C13orf46: variants seen among roughly 807,000 people sequenced by gnomAD.
C13orf46 encodes the protein chromosome 13 open reading frame 46.
intron 5 of C13orf46, among the ~76,000 whole-genome samples, chr13:113,965,427 T>G (rs993122100): frequency 2.0e-4 from 31 of 152,212 alleles, no homozygotes; most frequent in South Asian, 4.1e-4. Context: ...TGATGACTGT[T>G]CACTACAGCA....
At chr13:113,930,694 TC>T in the C13orf46 span, among the ~76,000 whole-genome samples, 5 of 152,268 alleles carry the variant, frequency 3.3e-5, no homozygotes, top group Non-Finnish European at 7.4e-5. Context: ...CTCCCATTCA[TC>T]CCCTGGCCAC....
At chr13:113,947,934 G>T in the C13orf46 span, among the ~76,000 whole-genome samples, 5 of 152,214 alleles carry the variant, frequency 3.3e-5, no homozygotes, top group Admixed American at 6.5e-5. Flanking sequence ...CCATGATTCT[G>T]GCCTGCCGAG....
chr13:113,958,067 T>C, intron 6 of C13orf46, among the ~76,000 whole-genome samples: 3 of 123,380 alleles, frequency 2.4e-5, no homozygotes, highest in South Asian at 2.7e-4. Context: ...CGGGGGGGTC[T>C]CCCCTGCACT....
chr13:113,968,023 C>T (rs889390107), intron 4 of C13orf46, among the ~76,000 whole-genome samples: 10 of 152,138 alleles, frequency 6.6e-5, no homozygotes, highest in Non-Finnish European at 1.2e-4. Context: ...AAGCAAGGCC[C>T]GCCTGGCAAG....
At chr13:113,952,628 G>A (rs1037240568), downstream of C13orf46, among the ~76,000 whole-genome samples, 1 of 152,220 alleles carries the variant, frequency 6.6e-6, no homozygotes, top group East Asian at 1.9e-4. Flanking sequence ...ACCACTGGCC[G>A]GCCCTAGAAA....
At chr13:113,932,271 C>T in the C13orf46 span, among the ~76,000 whole-genome samples, 3,664 of 152,326 alleles carry the variant, frequency 0.024, 112 homozygotes, top group African/African-American at 0.07. Flanking sequence ...GTCTGGGTCA[C>T]ATGGTGACTC....
chr13:113,963,286 CCT>C lies in C13orf46; in HGVS notation c.572+1639_572+1640del, dbSNP rs1289245559. ...CTCGGCCCTGTCCTCAGCCTCGGCC[CCT>C]GTCCTCAGCTTCACCCCTGTCCTCA... On this transcript the variant is annotated intron_variant, in intron 6 of 6. Transcript: ENST00000636427. Among the ~76,000 whole-genome samples, 32 of 124,366 alleles carry C rather than the reference CCT, an allele frequency of 2.6e-4. 3 individuals are homozygous for C. The East Asian group carries it at 7.2e-3, about 28-fold the overall frequency. The allele number at this position is 124,366 out of a possible 152,430, so 81.6% of individuals were successfully genotyped here.
intron 1 of C13orf46, among the ~76,000 whole-genome samples, chr13:113,972,141 G>A (rs575881668): frequency 3.3e-5 from 5 of 152,268 alleles, no homozygotes; most frequent in African/African-American, 7.2e-5. Context: ...ATCCGACCCC[G>A]GCCTCTAAGT....
chr13:113,946,789 C>T, the C13orf46 span, among the ~76,000 whole-genome samples: 4 of 152,258 alleles, frequency 2.6e-5, no homozygotes, highest in Non-Finnish European at 4.4e-5. Flanking sequence ...TCTGACTGCT[C>T]GCTGGCCGAG....
At chr13:113,946,065 G>A in the C13orf46 span, among the ~76,000 whole-genome samples, 7 of 152,344 alleles carry the variant, frequency 4.6e-5, no homozygotes, top group East Asian at 1.9e-4. Context: ...TGAATGCCGC[G>A]TTTAAAACGC....
At chr13:113,937,480 A>G in the C13orf46 span, among the ~76,000 whole-genome samples, 1 of 152,180 alleles carries the variant, frequency 6.6e-6, no homozygotes, top group Non-Finnish European at 1.5e-5. Context: ...TCTCATACAC[A>G]GCTGCAGGTG....
At chr13:113,958,050 A>G (rs1373561779) in intron 6 of C13orf46, among the ~76,000 whole-genome samples, 4 of 122,406 alleles carry the variant, frequency 3.3e-5, no homozygotes, top group Non-Finnish European at 5.2e-5. Context: ...CCTTTCATCA[A>G]GTGCACCGGG....
At chr13:113,966,560 CGAT>C (rs1262684042) in intron 5 of C13orf46, among the ~76,000 whole-genome samples, 17 of 128,618 alleles carry the variant, frequency 1.3e-4, no homozygotes, top group Non-Finnish European at 2.3e-4. Context: ...GTAATAGTGA[CGAT>C]GATGGTGATA....
At chr13:113,973,098 C>T (rs2052726387) in intron 1 of C13orf46, among the ~76,000 whole-genome samples, 1 of 152,214 alleles carries the variant, frequency 6.6e-6, no homozygotes, top group African/African-American at 2.4e-5. Context: ...AATCACTGAG[C>T]TAAGGGGAGG....
chr13:113,961,278 A>T (rs886660008), intron 6 of C13orf46, among the ~76,000 whole-genome samples: 1 of 152,020 alleles, frequency 6.6e-6, no homozygotes, highest in African/African-American at 2.4e-5. Flanking sequence ...AAATGTTCTA[A>T]AAATTACATA....
At chr13:113,932,160 G>A in the C13orf46 span, among the ~76,000 whole-genome samples, 5 of 152,224 alleles carry the variant, frequency 3.3e-5, no homozygotes, top group Admixed American at 1.3e-4. Context: ...CCACTGACCC[G>A]TGGAGGACGT....
chr13:113,952,075 G>A (rs894697287), downstream of C13orf46, among the ~76,000 whole-genome samples: 12 of 152,338 alleles, frequency 7.9e-5, no homozygotes, highest in Admixed American at 4.6e-4. Context: ...GAACCAGAAC[G>A]TTGAACTGAG....
chr13:113,934,548 C>T, the C13orf46 span, among the ~76,000 whole-genome samples: 365 of 152,298 alleles, frequency 2.4e-3, 1 homozygote, highest in African/African-American at 8.3e-3. Context: ...ACTTTCCAAC[C>T]AAGGTGCCAA....
downstream of C13orf46, among the ~76,000 whole-genome samples, chr13:113,953,151 T>C (rs976726782): frequency 1.3e-5 from 2 of 152,094 alleles, no homozygotes; most frequent in Non-Finnish European, 2.9e-5. Context: ...GGCAGCCCCA[T>C]TCCTTGGGTG....
Sources: allele counts gnomAD v4.1 joint callset (sites outside exome capture counted in the v4.1 genomes callset), GRCh38; gene constraint gnomAD v4.1.1; transcripts MANE v1.5; gene names NCBI Gene and HGNC (gene_info 2026-07-23, HGNC 2026-07-21).